The following OR10J1 variants were observed in gnomAD, a reference collection of about 807,000 sequenced individuals.
OR10J1 encodes olfactory receptor 10J1.
For missense variants in OR10J1, 474 were observed against 376.6 expected, an observed-to-expected ratio of 1.26 and a Z score of -2.14; for synonymous variants, 202 against 143.8, an observed-to-expected ratio of 1.40 and a Z score of -2.89.
At chr1:159,430,290 G>A in the OR10J1 span, among the ~76,000 whole-genome samples, 7 of 151,842 alleles carry the variant, frequency 4.6e-5, no homozygotes, top group African/African-American at 9.7e-5. Flanking sequence ...TCCAGTCTCC[G>A]CAGCCCTCAA....
chr1:159,440,736 T>A lies in OR10J1; in HGVS notation c.*15T>A, dbSNP rs371525941. 6.2e-6 allele frequency: 10 copies of A among 1,600,230 alleles called. No homozygotes were observed. In the African/African-American group the frequency reaches 1.2e-4, roughly 19 times the overall value. ...AGTTTTCCTGACCATGTAGGAAGAG[T>A]TCTCCTGAGGCTGTCAACATCCACA... On this transcript the variant is annotated 3_prime_UTR_variant, in exon 1 of 1. Coordinates refer to ENST00000423932, the MANE Select transcript of OR10J1 (RefSeq NM_012351.3).
upstream of OR10J1, among the ~76,000 whole-genome samples, chr1:159,435,112 T>C (rs1050134192): frequency 6.6e-6 from 1 of 152,290 alleles, no homozygotes; most frequent in Admixed American, 6.5e-5. Context: ...TATGTGGAAC[T>C]AGACCTAAGC....
chr1:159,428,261 C>A, the OR10J1 span, among the ~76,000 whole-genome samples: 1 of 151,992 alleles, frequency 6.6e-6, no homozygotes, highest in Non-Finnish European at 1.5e-5. Context: ...ATGATGTAGT[C>A]GTCAATACAT....
chr1:159,411,003 G>A, the OR10J1 span, among the ~76,000 whole-genome samples: 1 of 152,136 alleles, frequency 6.6e-6, no homozygotes, highest in Non-Finnish European at 1.5e-5. Flanking sequence ...ATGTAGTTGA[G>A]CGGTTTTGAG....
chr1:159,423,013 G>A, the OR10J1 span, among the ~76,000 whole-genome samples: 1 of 152,026 alleles, frequency 6.6e-6, no homozygotes, highest in East Asian at 1.9e-4. Context: ...TCACTAATTT[G>A]GTTCCTCTCC....
rs1655925712 is a variant in OR10J1 at position 159,440,790 on chromosome 1, C to T, written c.*69C>T. 1 of 1,505,808 alleles carries T rather than the reference C, an allele frequency of 6.6e-7. No individual in the cohort carries two copies. The highest frequency in any genetic ancestry group is 1.4e-5 in the African/African-American group (1 of 72,296). 93.3% of individuals were successfully genotyped at this position (1,505,808 alleles called of 1,614,324 possible). A position where few individuals can be genotyped will look rare whatever the true frequency, so the allele number is the denominator to read the frequency against. ...GGCAGGAATATGAGGTGTAAACTCA[C>T]AAACACTTGGCTCCTAGAGACCTGC... is the stretch of plus-strand genomic sequence containing the variant. On this transcript the variant is annotated 3_prime_UTR_variant, in exon 1 of 1. Transcript: ENST00000423932.
At chr1:159,408,925 A>G in the OR10J1 span, among the ~76,000 whole-genome samples, 1 of 152,068 alleles carries the variant, frequency 6.6e-6, no homozygotes, top group Non-Finnish European at 1.5e-5. Flanking sequence ...AACATTAAAG[A>G]GGCTGAGTCC....
chr1:159,404,137 G>A, the OR10J1 span, among the ~76,000 whole-genome samples: 1 of 151,870 alleles, frequency 6.6e-6, no homozygotes, highest in Non-Finnish European at 1.5e-5. Context: ...GGGGGAGGTG[G>A]GGATTGTAAA....
At chr1:159,420,339 G>C in the OR10J1 span, among the ~76,000 whole-genome samples, 16,430 of 152,110 alleles carry the variant, frequency 0.11, 1,133 homozygotes, top group East Asian at 0.23. Context: ...ATGGATAGAT[G>C]AGGGCATATT....
At chr1:159,435,389 C>T (rs563912113), upstream of OR10J1, among the ~76,000 whole-genome samples, 1 of 152,280 alleles carries the variant, frequency 6.6e-6, no homozygotes, top group African/African-American at 2.4e-5. Flanking sequence ...AAAGCATCTA[C>T]AAGTATTTTT....
upstream of OR10J1, among the ~76,000 whole-genome samples, chr1:159,438,858 A>G (rs1183479753): frequency 6.6e-6 from 1 of 152,170 alleles, no homozygotes; most frequent in Non-Finnish European, 1.5e-5. Flanking sequence ...CAACAAAATG[A>G]TGTATCTTTG....
chr1:159,413,385 C>T, the OR10J1 span, among the ~76,000 whole-genome samples: 1 of 151,910 alleles, frequency 6.6e-6, no homozygotes, highest in Non-Finnish European at 1.5e-5. Context: ...AAGACACATG[C>T]ACACGTATGT....
the OR10J1 span, among the ~76,000 whole-genome samples, chr1:159,411,950 C>T: frequency 6.6e-6 from 1 of 152,056 alleles, no homozygotes; most frequent in Non-Finnish European, 1.5e-5. Context: ...ATTCTCTCAG[C>T]CCAAAATCTC....
At chr1:159,405,168 A>G in the OR10J1 span, among the ~76,000 whole-genome samples, 2 of 152,148 alleles carry the variant, frequency 1.3e-5, no homozygotes, top group African/African-American at 4.8e-5. Context: ...CTAAGGGGGA[A>G]ATTGTATAAG....
At chr1:159,417,622 A>T in the OR10J1 span, among the ~76,000 whole-genome samples, 1 of 152,246 alleles carries the variant, frequency 6.6e-6, no homozygotes, top group African/African-American at 2.4e-5. Flanking sequence ...TTTTCTTTAT[A>T]ATTAACCAGT....
the OR10J1 span, among the ~76,000 whole-genome samples, chr1:159,404,130 G>T: frequency 6.6e-6 from 1 of 151,984 alleles, no homozygotes; most frequent in Non-Finnish European, 1.5e-5. Flanking sequence ...GGCTTGAGGG[G>T]GAGGTGGGGA....
chr1:159,412,745 C>G, the OR10J1 span, among the ~76,000 whole-genome samples: 1 of 151,758 alleles, frequency 6.6e-6, no homozygotes, highest in South Asian at 2.1e-4. Flanking sequence ...TAGAAGAAAA[C>G]CTAGGCGTTA....
At chr1:159,428,798 C>A in the OR10J1 span, among the ~76,000 whole-genome samples, 1 of 152,184 alleles carries the variant, frequency 6.6e-6, no homozygotes, top group Non-Finnish European at 1.5e-5. Context: ...GAATGCCTGG[C>A]AACTCTTCCA....
At chr1:159,423,554 CAT>C in the OR10J1 span, among the ~76,000 whole-genome samples, 3 of 152,188 alleles carry the variant, frequency 2.0e-5, no homozygotes, top group African/African-American at 7.2e-5. Flanking sequence ...CTGTACTTCC[CAT>C]ATTCAAGTAA....
Sources: allele counts gnomAD v4.1 joint callset (sites outside exome capture counted in the v4.1 genomes callset), GRCh38; gene constraint gnomAD v4.1.1; transcripts MANE v1.5; gene names NCBI Gene and HGNC (gene_info 2026-07-23, HGNC 2026-07-21).